Variants in LUZP2 observed in about 807,000 individuals in gnomAD.
LUZP2 encodes leucine zipper protein 2.
LUZP2 carries 52 observed loss-of-function variants against 51.6 expected under a neutral mutation model. That is an observed-to-expected ratio of 1.01 (90% CI 0.81 to 1.27). The LOEUF is 1.27. LUZP2 is among the 50% of genes most tolerant of loss of function. The pLI, the probability that LUZP2 is intolerant of heterozygous loss-of-function variation, is 0.00. For synonymous variants in LUZP2, 154 were observed against 137.3 expected (o/e 1.12, Z -0.85); for missense variants, 436 against 395.4 (o/e 1.10, Z -0.87).
intron 9 of LUZP2, among the ~76,000 whole-genome samples, chr11:25,037,402 T>C (rs1468105778): frequency 6.6e-6 from 1 of 152,170 alleles, no homozygotes; most frequent in African/African-American, 2.4e-5. Flanking sequence ...CTTGTCTTTT[T>C]ATCTAACCTG....
chr11:24,890,658 CA>C (rs1454123826), intron 5 of LUZP2, among the ~76,000 whole-genome samples: 1 of 151,902 alleles, frequency 6.6e-6, no homozygotes, highest in Admixed American at 6.6e-5. Context: ...CTACTGGCAT[CA>C]AAAAATGAAC....
chr11:24,894,133 GAATA>G (rs1038418941), intron 5 of LUZP2, among the ~76,000 whole-genome samples: 1 of 150,770 alleles, frequency 6.6e-6, no homozygotes, highest in African/African-American at 2.4e-5. Flanking sequence ...GAATATGCAT[GAATA>G]AATAAATATT....
Position 24,790,388 on chromosome 11 carries a change from A to T in LUZP2, c.396+27080A>T, listed in dbSNP as rs80192187. 3.9e-3 allele frequency among the ~76,000 whole-genome samples: 591 copies of T among 152,318 alleles called. 3 individuals are homozygous for T. Among genetic ancestry groups the T allele is most frequent in the African/African-American group, 0.013 (553 of 41,576 alleles). ...TTAGCAGTATTTGAAACAGTTGACT[A>T]TGCTCACATTTTTTAAACGCTTGCT... On this transcript the variant is annotated intron_variant, in intron 5 of 11. Transcript: ENST00000336930.
chr11:24,920,174 G>T (rs935181157), intron 7 of LUZP2, among the ~76,000 whole-genome samples: 1 of 151,830 alleles, frequency 6.6e-6, no homozygotes, highest in Non-Finnish European at 1.5e-5. Flanking sequence ...CTTCTCTGTT[G>T]AGATACATAA....
intron 4 of LUZP2, among the ~76,000 whole-genome samples, chr11:24,746,264 C>T (rs1859376082): frequency 6.6e-6 from 1 of 152,164 alleles, no homozygotes; most frequent in Admixed American, 6.5e-5. Flanking sequence ...CGAATTCACT[C>T]AGCATTTGTT....
chr11:24,730,130 A>G (rs978121427), intron 2 of LUZP2, among the ~76,000 whole-genome samples: 3 of 151,406 alleles, frequency 2.0e-5, no homozygotes, highest in East Asian at 2.0e-4. Flanking sequence ...GATGATGATG[A>G]TGGTGGTAGT....
At chr11:24,961,932 G>A (rs1440897931) in intron 7 of LUZP2, among the ~76,000 whole-genome samples, 8 of 151,818 alleles carry the variant, frequency 5.3e-5, no homozygotes, top group Non-Finnish European at 1.2e-4. Flanking sequence ...GGCTGTTTTA[G>A]GGCAGGCCTG....
chr11:24,933,185 C>A (rs1225657271), intron 7 of LUZP2, among the ~76,000 whole-genome samples: 1 of 152,100 alleles, frequency 6.6e-6, no homozygotes, highest in Non-Finnish European at 1.5e-5. Flanking sequence ...TCTCTTGGAG[C>A]CTGCAGGAGT....
intron 7 of LUZP2, among the ~76,000 whole-genome samples, chr11:24,937,780 A>T (rs1338512131): frequency 1.3e-5 from 2 of 152,034 alleles, no homozygotes; most frequent in African/African-American, 4.8e-5. Context: ...GGGCGCCCGT[A>T]GTTCCAGACA....
At chr11:24,591,111 A>T (rs1853243722) in intron 1 of LUZP2, among the ~76,000 whole-genome samples, 1 of 152,012 alleles carries the variant, frequency 6.6e-6, no homozygotes, top group Non-Finnish European at 1.5e-5. Flanking sequence ...CCAATCCCTT[A>T]AAAAATAGTA....
At chr11:24,524,006 T>C (rs1231781680) in intron 1 of LUZP2, among the ~76,000 whole-genome samples, 1 of 151,770 alleles carries the variant, frequency 6.6e-6, no homozygotes, top group Non-Finnish European at 1.5e-5. Context: ...ATTTATCTCC[T>C]GAATGAGTCT....
intron 10 of LUZP2, among the ~76,000 whole-genome samples, chr11:25,068,315 T>TA (rs1204994152): frequency 6.6e-6 from 1 of 151,990 alleles, no homozygotes; most frequent in Non-Finnish European, 1.5e-5. Context: ...AAAGTATGGT[T>TA]AAAAAATAAA....
intron 5 of LUZP2, among the ~76,000 whole-genome samples, chr11:24,792,764 A>G (rs1188836777): frequency 6.6e-6 from 1 of 152,152 alleles, no homozygotes; most frequent in Non-Finnish European, 1.5e-5. Flanking sequence ...ATTCACAATG[A>G]AAGCTGTACT....
chr11:24,895,394 G>A (rs1047807417), intron 5 of LUZP2, among the ~76,000 whole-genome samples: 2 of 151,884 alleles, frequency 1.3e-5, no homozygotes, highest in Non-Finnish European at 2.9e-5. Flanking sequence ...AGATTCAGGG[G>A]GTGCATGTGT....
intron 1 of LUZP2, among the ~76,000 whole-genome samples, chr11:24,703,993 T>C (rs1471528579): frequency 2.0e-5 from 3 of 152,180 alleles, no homozygotes; most frequent in African/African-American, 2.4e-5. Context: ...GAAAAAAGAA[T>C]GATTTGATTT....
intron 1 of LUZP2, among the ~76,000 whole-genome samples, chr11:24,700,756 A>G (rs1857399185): frequency 6.6e-6 from 1 of 152,100 alleles, no homozygotes; most frequent in Non-Finnish European, 1.5e-5. Context: ...ATGACTGTGC[A>G]ATCATTTGGT....
intron 1 of LUZP2, among the ~76,000 whole-genome samples, chr11:24,540,771 G>A (rs781289585): frequency 6.6e-6 from 1 of 152,046 alleles, no homozygotes; most frequent in African/African-American, 2.4e-5. Flanking sequence ...GCCACCAGCA[G>A]TATCTTTTAT....
chr11:24,832,520 T>C (rs755311884), intron 5 of LUZP2, among the ~76,000 whole-genome samples: 2 of 151,514 alleles, frequency 1.3e-5, no homozygotes, highest in East Asian at 3.9e-4. Flanking sequence ...TTCTATAATA[T>C]CTTGTTAATG....
intron 9 of LUZP2, among the ~76,000 whole-genome samples, chr11:25,034,561 A>C (rs1444369084): frequency 1.3e-5 from 2 of 152,056 alleles, no homozygotes; most frequent in African/African-American, 4.8e-5. Context: ...CTTACATTTA[A>C]ATATTTGATC....
Sources: allele counts gnomAD v4.1 joint callset (sites outside exome capture counted in the v4.1 genomes callset), GRCh38; gene constraint gnomAD v4.1.1; transcripts MANE v1.5; gene names NCBI Gene and HGNC (gene_info 2026-07-23, HGNC 2026-07-21).